The following FBXO34 variants were observed in gnomAD, a reference collection of about 807,000 sequenced individuals.
The protein encoded by FBXO34 is F-box protein 34.
Under a neutral mutation model 24.5 loss-of-function variants are expected in FBXO34, and 12 were observed. The ratio of observed to expected loss-of-function variants is 0.49; its 90% CI spans 0.31 to 0.79. FBXO34 has a LOEUF of 0.79. Among genes scored for constraint, FBXO34 ranks in the 30% least tolerant of loss-of-function variants. FBXO34 has a pLI of 0.04. For synonymous variants in FBXO34, 320 were observed against 311.9 expected (o/e 1.03, Z -0.27); for missense variants, 823 against 857.7 (o/e 0.96, Z 0.51).
At chr14:55,439,278 T>TA in the FBXO34 span, among the ~76,000 whole-genome samples, 20,387 of 133,766 alleles carry the variant, frequency 0.15, 3,465 homozygotes, top group African/African-American at 0.42. Context: ...TAATTAACTT[T>TA]AAAAAAAAAA....
chr14:55,351,268 G>A lies in FBXO34; in HGVS notation c.878G>A (p.Arg293Gln), dbSNP rs1884358078. The A allele has an allele frequency of 3.1e-6, 5 of 1,614,176 alleles. No homozygotes were observed. Among genetic ancestry groups the A allele is most frequent in the Non-Finnish European group, 3.4e-6 (4 of 1,180,036 alleles). Residue 293 changes from arginine (R) to glutamine (Q), a missense_variant, in exon 2 of 2, where the codon CGG (arginine) becomes CAG (glutamine). Physicochemically the swap from Arg to Gln is conservative, Grantham distance 43 (BLOSUM62 1). Coordinates refer to ENST00000313833, the MANE Select transcript of FBXO34 (RefSeq NM_017943.4). The stretch of plus-strand genomic sequence containing the variant: ...AAGTTGGAGTCTGAGTGCCTGAAGC[G>A]GCAGGGCCAGCGTGAGCCTGGGAGC... ...VAKLESECLK[R>Q]QGQREPGSLS...
chr14:55,356,335 A>G (rs1884522442), downstream of FBXO34, among the ~76,000 whole-genome samples: 1 of 152,152 alleles, frequency 6.6e-6, no homozygotes, highest in Admixed American at 6.5e-5. Context: ...TGTGTACACC[A>G]CCGACTAAAC....
At chr14:55,392,772 T>G in the FBXO34 span, among the ~76,000 whole-genome samples, 1 of 152,188 alleles carries the variant, frequency 6.6e-6, no homozygotes, top group Non-Finnish European at 1.5e-5. Context: ...GGTGTTACAC[T>G]TATCTAAGTA....
At chr14:55,423,770 T>C in the FBXO34 span, among the ~76,000 whole-genome samples, 3 of 152,238 alleles carry the variant, frequency 2.0e-5, no homozygotes, top group Non-Finnish European at 4.4e-5. Flanking sequence ...ACAGACCCTG[T>C]GGCTCACAAA....
At chr14:55,323,226 T>TTTATA in intron 1 of FBXO34, among the ~76,000 whole-genome samples, 1 of 20,530 alleles carries the variant, frequency 4.9e-5, no homozygotes, top group African/African-American at 7.2e-4. Flanking sequence ...AAAATATATA[T>TTTATA]TTTTTTTTTT....
chr14:55,410,289 G>A, the FBXO34 span, among the ~76,000 whole-genome samples: 14 of 152,328 alleles, frequency 9.2e-5, no homozygotes, highest in South Asian at 1.7e-3. Flanking sequence ...AAGTCTGGCA[G>A]TCTTAAGCAT....
chr14:55,376,730 G>A, the FBXO34 span, among the ~76,000 whole-genome samples: 23 of 152,204 alleles, frequency 1.5e-4, no homozygotes, highest in Admixed American at 1.2e-3. Context: ...GAACTTTCCC[G>A]CCATTTGTCT....
chr14:55,293,565 C>T (rs1189525858), intron 1 of FBXO34, among the ~76,000 whole-genome samples: 1 of 151,378 alleles, frequency 6.6e-6, no homozygotes, highest in Non-Finnish European at 1.5e-5. Flanking sequence ...AGTATCGTCT[C>T]ACTTATCTGG....
the FBXO34 span, among the ~76,000 whole-genome samples, chr14:55,392,648 CAAAAAAAAA>C: frequency 1.9e-5 from 1 of 51,904 alleles, no homozygotes; most frequent in East Asian, 6.4e-4. Flanking sequence ...GACTCCACCT[CAAAAAAAAA>C]AAAAAAAAAA....
chr14:55,376,120 G>T, the FBXO34 span, among the ~76,000 whole-genome samples: 1 of 152,180 alleles, frequency 6.6e-6, no homozygotes, highest in South Asian at 2.1e-4. Flanking sequence ...TCAGCCAGGT[G>T]TGCACTGAGA....
In FBXO34 at chr14:55,352,358, G is replaced by A. The variant is rs145830018; in HGVS notation, c.1968G>A (p.Gln656=). 2.2e-4 allele frequency: 351 copies of A among 1,614,242 alleles called. No homozygotes were observed. In the African/African-American group the frequency reaches 4.2e-3, roughly 20 times the overall value. Residue 656 remains glutamine (Q), a synonymous_variant, in exon 2 of 2, where the codon CAG becomes CAA. Transcript: ENST00000313833. ...LCRWHPKPYC[Q]ALPYGPGYWM... is the part of the protein sequence containing the mutation. The stretch of plus-strand genomic sequence containing the variant: ...GATGGCACCCCAAGCCCTATTGCCA[G>A]GCATTGCCCTATGGGCCAGGGTATT...
the FBXO34 span, among the ~76,000 whole-genome samples, chr14:55,430,700 T>C: frequency 1.3e-5 from 2 of 152,188 alleles, no homozygotes. Context: ...CATGGCCATC[T>C]GTTGATCTGG....
At chr14:55,325,409 T>A (rs1252002998) in intron 1 of FBXO34, among the ~76,000 whole-genome samples, 1 of 152,010 alleles carries the variant, frequency 6.6e-6, no homozygotes, top group East Asian at 1.9e-4. Context: ...GAGCTGTACA[T>A]GTTAGAATAC....
intron 1 of FBXO34, among the ~76,000 whole-genome samples, chr14:55,307,231 G>A (rs1013450822): frequency 2.6e-5 from 4 of 152,214 alleles, no homozygotes; most frequent in African/African-American, 9.7e-5. Flanking sequence ...CCTCTGTTTA[G>A]CAGATCTGCT....
the FBXO34 span, among the ~76,000 whole-genome samples, chr14:55,435,158 A>G: frequency 6.6e-6 from 1 of 152,234 alleles, no homozygotes; most frequent in Non-Finnish European, 1.5e-5. Flanking sequence ...CTTCTCAGAT[A>G]AGAGGAATTG....
intron 1 of FBXO34, among the ~76,000 whole-genome samples, chr14:55,330,126 A>G (rs1883483005): frequency 6.6e-6 from 1 of 152,136 alleles, no homozygotes; most frequent in Non-Finnish European, 1.5e-5. Flanking sequence ...AGTTTTGTAA[A>G]CTTGGGAAAT....
At chr14:55,289,521 ATGTATGTG>A (rs1412838549) in intron 1 of FBXO34, among the ~76,000 whole-genome samples, 7 of 152,006 alleles carry the variant, frequency 4.6e-5, no homozygotes, top group Middle Eastern at 3.4e-3. Flanking sequence ...CTTTCTTTCT[ATGTATGTG>A]TGTATGTGTG....
intron 1 of FBXO34, among the ~76,000 whole-genome samples, chr14:55,313,930 T>C (rs180902262): frequency 7.9e-5 from 12 of 152,200 alleles, no homozygotes; most frequent in Admixed American, 6.5e-4. Context: ...TGAGACAGGG[T>C]CTTGCTCTGG....
At chr14:55,375,490 A>AATTTTTTTTTTTTTTTTTTTTTTTTTTTT in the FBXO34 span, among the ~76,000 whole-genome samples, 1 of 117,798 alleles carries the variant, frequency 8.5e-6, no homozygotes, top group Non-Finnish European at 1.7e-5. Flanking sequence ...GCCGGGCTAA[A>AATTTTTTTTTTTTTTTTTTTTTTTTTTTT]TTTTTTTTTT....
Sources: gnomAD v4.1 joint callset for allele counts (sites outside exome capture counted in the v4.1 genomes callset) on GRCh38, gnomAD v4.1.1 for gene constraint, MANE v1.5 for transcripts, NCBI Gene and HGNC (gene_info 2026-07-23, HGNC 2026-07-21) for gene names.